The following VEGFC variants were observed in gnomAD, a reference collection of about 807,000 sequenced individuals.
VEGFC encodes the protein FLT4 ligand DHM.
VEGFC carries 12 observed loss-of-function variants against 46.1 expected under a neutral mutation model. The observed-to-expected ratio is 0.26, with a 90% CI of 0.17 to 0.42. The LOEUF (loss-of-function observed/expected upper bound fraction) is 0.42. VEGFC is among the 10% of genes least tolerant of loss of function. VEGFC has a pLI of 1.00. For missense variants in VEGFC, 488 were observed against 529.4 expected, an observed-to-expected ratio of 0.92 and a Z score of 0.77; for synonymous variants, 232 against 195.5, an observed-to-expected ratio of 1.19 and a Z score of -1.56.
chr4:176,714,301 C>G (rs553640019), intron 3 of VEGFC, among the ~76,000 whole-genome samples: 1 of 152,202 alleles, frequency 6.6e-6, no homozygotes, highest in East Asian at 1.9e-4. Flanking sequence ...GAGACCTCTC[C>G]CTTCCCTCTC....
intron 1 of VEGFC, among the ~76,000 whole-genome samples, chr4:176,785,450 CTT>C (rs1371285713): frequency 6.6e-6 from 1 of 152,106 alleles, no homozygotes; most frequent in African/African-American, 2.4e-5. Flanking sequence ...GGTGGCATCT[CTT>C]GAGTTTGAGT....
chr4:176,780,388 A>AAACAAAAAAAAAAC (rs1553997820), intron 1 of VEGFC, among the ~76,000 whole-genome samples: 2 of 21,846 alleles, frequency 9.2e-5, no homozygotes, highest in East Asian at 2.4e-3. Context: ...TCTCAAAAAA[A>AAACAAAAAAAAAAC]AAAAAAAAAA....
At position 176,738,103 on chromosome 4, in the gene VEGFC, A is replaced by G. The variant is rs747074069; in HGVS notation, c.148-8357T>C. 7.2e-5 allele frequency among the ~76,000 whole-genome samples: 11 copies of G among 152,072 alleles called. No homozygotes were observed. In the East Asian group the frequency reaches 2.1e-3, roughly 29 times the overall value. On this transcript the variant is annotated intron_variant, in intron 1 of 6. Transcript: ENST00000618562. ...TCATGCTCATGGATAGGAAGAATCA[A>G]TATCATGAAAATGGCCATACTGCCC...
At chr4:176,777,433 T>C (rs1365851445) in intron 1 of VEGFC, among the ~76,000 whole-genome samples, 6 of 152,240 alleles carry the variant, frequency 3.9e-5, no homozygotes, top group African/African-American at 7.2e-5. Context: ...AATGAGTCAC[T>C]ATTGTCTATA....
At chr4:176,768,664 A>G (rs1185269423) in intron 1 of VEGFC, among the ~76,000 whole-genome samples, 3 of 151,770 alleles carry the variant, frequency 2.0e-5, no homozygotes, top group Non-Finnish European at 4.4e-5. Flanking sequence ...CCCAATCCAG[A>G]GCCATACCTC....
chr4:176,744,157 C>A (rs1660085627), intron 1 of VEGFC, among the ~76,000 whole-genome samples: 1 of 151,956 alleles, frequency 6.6e-6, no homozygotes, highest in Admixed American at 6.6e-5. Flanking sequence ...TGGTGATTAA[C>A]CCTGGATTCT....
At chr4:176,747,326 T>C (rs1301731355) in intron 1 of VEGFC, among the ~76,000 whole-genome samples, 1 of 152,116 alleles carries the variant, frequency 6.6e-6, no homozygotes, top group African/African-American at 2.4e-5. Flanking sequence ...CCCAATCTTA[T>C]TTTGAATAAT....
intron 1 of VEGFC, among the ~76,000 whole-genome samples, chr4:176,777,243 G>A (rs910652723): frequency 6.6e-6 from 1 of 152,166 alleles, no homozygotes; most frequent in Admixed American, 6.5e-5. Flanking sequence ...CTTGAACCCA[G>A]GAGGCGGAGC....
chr4:176,692,638 G>T (rs1374331791), intron 4 of VEGFC, among the ~76,000 whole-genome samples: 2 of 144,550 alleles, frequency 1.4e-5, no homozygotes, highest in African/African-American at 2.8e-5. Context: ...GCTCAAGGAG[G>T]CCTGCCTGCC....
At chr4:176,714,318 A>G (rs1019527434) in intron 3 of VEGFC, among the ~76,000 whole-genome samples, 1 of 152,120 alleles carries the variant, frequency 6.6e-6, no homozygotes, top group Admixed American at 6.5e-5. Flanking sequence ...TCTCTTGCTC[A>G]CACTCTGGCC....
intron 4 of VEGFC, among the ~76,000 whole-genome samples, chr4:176,708,296 A>G (rs1275429573): frequency 6.6e-6 from 1 of 151,994 alleles, no homozygotes; most frequent in Non-Finnish European, 1.5e-5. Context: ...TTCCTGGCAA[A>G]TACAATTATA....
At chr4:176,778,236 T>C (rs1456373563) in intron 1 of VEGFC, among the ~76,000 whole-genome samples, 1 of 152,210 alleles carries the variant, frequency 6.6e-6, no homozygotes, top group African/African-American at 2.4e-5. Context: ...ATGGTCTAGC[T>C]GTGGCAAATG....
At chr4:176,721,697 A>C (rs1173039221) in intron 3 of VEGFC, among the ~76,000 whole-genome samples, 1 of 152,200 alleles carries the variant, frequency 6.6e-6, no homozygotes, top group African/African-American at 2.4e-5. Flanking sequence ...TAAGACACAG[A>C]ACACTGGAAA....
intron 2 of VEGFC, 47 bp from the exon 3 acceptor site, chr4:176,728,015 A>G (rs769783343): frequency 6.7e-7 from 1 of 1,491,812 alleles, no homozygotes; most frequent in South Asian, 1.4e-5. Flanking sequence ...AACCACCAAG[A>G]TAAAAAAAGC....
intron 1 of VEGFC, among the ~76,000 whole-genome samples, chr4:176,780,387 A>AAAAAAAAAAAAAAAAC (rs541639588): frequency 0.022 from 2,490 of 114,638 alleles, 186 homozygotes; most frequent in South Asian, 0.048. Context: ...ATCTCAAAAA[A>AAAAAAAAAAAAAAAAC]AAAAAAAAAA....
chr4:176,711,764 A>G, intron 3 of VEGFC, 114 bp from the exon 4 acceptor site: 2 of 988,422 alleles, frequency 2.0e-6, no homozygotes, highest in East Asian at 2.5e-5. Flanking sequence ...GTAGCTGCCT[A>G]GTGTACGCAG....
intron 1 of VEGFC, among the ~76,000 whole-genome samples, chr4:176,752,768 G>A (rs979319473): frequency 6.6e-6 from 1 of 152,004 alleles, no homozygotes; most frequent in African/African-American, 2.4e-5. Flanking sequence ...ATTAGAACTT[G>A]GCTAATAAAA....
intron 1 of VEGFC, among the ~76,000 whole-genome samples, chr4:176,760,631 A>C (rs1330128700): frequency 1.3e-5 from 2 of 152,128 alleles, no homozygotes; most frequent in African/African-American, 4.8e-5. Context: ...ACTCCCCCTC[A>C]CATATCTATG....
At chr4:176,730,459 A>T (rs970839224) in intron 1 of VEGFC, among the ~76,000 whole-genome samples, 4 of 152,212 alleles carry the variant, frequency 2.6e-5, no homozygotes, top group East Asian at 3.9e-4. Context: ...AATAAATACA[A>T]TTTTTTTCTA....
Sources: gnomAD v4.1 joint callset for allele counts (sites outside exome capture counted in the v4.1 genomes callset) on GRCh38, gnomAD v4.1.1 for gene constraint, MANE v1.5 for transcripts, NCBI Gene and HGNC (gene_info 2026-07-23, HGNC 2026-07-21) for gene names.